The following FNDC3A variants were observed in gnomAD, a reference collection of about 807,000 sequenced individuals.
The protein encoded by FNDC3A is fibronectin type-III domain-containing protein 3A.
Under a neutral mutation model 148.9 loss-of-function variants are expected in FNDC3A, and 32 were observed. That is an observed-to-expected ratio of 0.21 (90% CI 0.16 to 0.29). FNDC3A has a LOEUF of 0.29. FNDC3A is among the 10% of genes least tolerant of loss of function. The pLI is 1.00. For missense variants in FNDC3A, 1,191 were observed against 1,452.8 expected, an observed-to-expected ratio of 0.82 and a Z score of 2.93; for synonymous variants, 472 against 473.6, an observed-to-expected ratio of 1.00 and a Z score of 0.04.
At chr13:49,048,413 A>G (rs1350453079) in intron 2 of FNDC3A, among the ~76,000 whole-genome samples, 2 of 151,928 alleles carry the variant, frequency 1.3e-5, no homozygotes, top group Non-Finnish European at 2.9e-5. Context: ...TCTACCCAAT[A>G]TTCTATATAG....
chr13:49,146,816 C>G (rs1883025322), intron 8 of FNDC3A: 1 of 152,154 alleles, frequency 6.6e-6, no homozygotes, highest in Non-Finnish European at 1.5e-5. Context: ...TTATGATTGA[C>G]AGTTTTGAAA....
At chr13:49,199,548 C>A (rs1235972774) in intron 23 of FNDC3A, among the ~76,000 whole-genome samples, 1 of 151,954 alleles carries the variant, frequency 6.6e-6, no homozygotes, top group African/African-American at 2.4e-5. Flanking sequence ...GGATGGTCTC[C>A]ATCTCCTGAC....
chr13:49,010,199 T>C (rs555627503), intron 2 of FNDC3A, among the ~76,000 whole-genome samples: 2 of 152,268 alleles, frequency 1.3e-5, no homozygotes, highest in South Asian at 4.1e-4. Context: ...TAGTGTTGGA[T>C]TGGCTAGTTT....
intron 2 of FNDC3A, among the ~76,000 whole-genome samples, chr13:49,037,085 T>G (rs1874547264): frequency 6.6e-6 from 1 of 152,160 alleles, no homozygotes; most frequent in African/African-American, 2.4e-5. Flanking sequence ...AGCATTGTGT[T>G]CTAGGTATAT....
At chr13:49,081,557 T>C (rs1878471483) in intron 3 of FNDC3A, among the ~76,000 whole-genome samples, 1 of 152,206 alleles carries the variant, frequency 6.6e-6, no homozygotes, top group African/African-American at 2.4e-5. Context: ...ATGTAGGACT[T>C]AGAACATAAT....
intron 10 of FNDC3A, among the ~76,000 whole-genome samples, chr13:49,170,160 A>G (rs60569686): frequency 0.13 from 20,315 of 152,106 alleles, 1,771 homozygotes; most frequent in East Asian, 0.34. Context: ...AAATGACCCT[A>G]TATACACACA....
chr13:49,118,270 C>G (rs990876212), intron 4 of FNDC3A, among the ~76,000 whole-genome samples: 12 of 152,162 alleles, frequency 7.9e-5, no homozygotes, highest in Admixed American at 3.3e-4. Flanking sequence ...GCTCCCTCCC[C>G]TAGCCAAGGG....
intron 4 of FNDC3A, among the ~76,000 whole-genome samples, chr13:49,115,016 T>G (rs1880845800): frequency 1.3e-5 from 2 of 152,138 alleles, no homozygotes; most frequent in Admixed American, 1.3e-4. Context: ...AAATAATATT[T>G]TAGGTTGTAA....
intron 18 of FNDC3A, 40 bp from the exon 19 acceptor site, chr13:49,191,169 A>G (rs1195252162): frequency 6.2e-7 from 1 of 1,604,930 alleles, no homozygotes; most frequent in Admixed American, 1.7e-5. Flanking sequence ...AACAGGAAGT[A>G]TTCGTCTTGT....
At chr13:48,989,626 A>G (rs774491967) in intron 1 of FNDC3A, among the ~76,000 whole-genome samples, 4 of 152,246 alleles carry the variant, frequency 2.6e-5, no homozygotes, top group Non-Finnish European at 4.4e-5. Context: ...ATAACTGAAA[A>G]AGTATTTGAA....
At position 48,981,820 on chromosome 13, in the gene FNDC3A, A is replaced by G. The variant is rs184906289; in HGVS notation, c.-40+5643A>G. ...AGATTGTGTATGTTAATCAGCCTCT[A>G]TCAGAAATGCTGGGGGAAAAAAAAG... On this transcript the variant is annotated intron_variant, in intron 1 of 25. Coordinates refer to ENST00000492622, the MANE Select transcript of FNDC3A (RefSeq NM_001079673.2). Among the ~76,000 whole-genome samples the G allele has an allele frequency of 9.7e-3, 430 of 44,130 alleles. 2 individuals are homozygous for G. The highest frequency in any genetic ancestry group is 0.034 in the African/African-American group (408 of 11,844). 29.0% of individuals were successfully genotyped at this position (44,130 alleles called of 152,430 possible).
intron 2 of FNDC3A, among the ~76,000 whole-genome samples, chr13:49,040,905 C>G (rs962558244): frequency 6.6e-6 from 1 of 152,084 alleles, no homozygotes; most frequent in Non-Finnish European, 1.5e-5. Flanking sequence ...GTTTTTTTGA[C>G]ATATTTTATC....
At chr13:49,073,740 A>C (rs866336375) in intron 2 of FNDC3A, among the ~76,000 whole-genome samples, 1 of 135,316 alleles carries the variant, frequency 7.4e-6, no homozygotes, top group Admixed American at 7.3e-5. Context: ...ATGTATATAT[A>C]ATATATGTGT....
chr13:49,144,724 T>G (rs1458045282), intron 7 of FNDC3A, among the ~76,000 whole-genome samples: 1 of 152,172 alleles, frequency 6.6e-6, no homozygotes, highest in African/African-American at 2.4e-5. Context: ...GTCACAACTT[T>G]CTCTGCGTCT....
At chr13:49,129,137 T>G (rs1456927634) in intron 4 of FNDC3A, among the ~76,000 whole-genome samples, 1 of 152,258 alleles carries the variant, frequency 6.6e-6, no homozygotes, top group East Asian at 1.9e-4. Context: ...TCAGTTTGTT[T>G]TGCTGAAAAA....
At chr13:49,181,486 C>T (rs927549177) in intron 14 of FNDC3A, among the ~76,000 whole-genome samples, 1 of 151,912 alleles carries the variant, frequency 6.6e-6, no homozygotes, top group Non-Finnish European at 1.5e-5. Context: ...CTGATCCTTG[C>T]CAAAATTTGG....
intron 1 of FNDC3A, among the ~76,000 whole-genome samples, chr13:48,988,344 A>C (rs886959765): frequency 1.1e-4 from 16 of 152,202 alleles, no homozygotes; most frequent in African/African-American, 3.4e-4. Context: ...ATAAATTCAT[A>C]AACAGTACAT....
chr13:49,110,229 C>G (rs1566255362), intron 3 of FNDC3A: 5 of 767,878 alleles, frequency 6.5e-6, no homozygotes, highest in Non-Finnish European at 7.6e-6. Flanking sequence ...TTGCCCTTTC[C>G]TGGGTCACTG....
At chr13:49,061,323 C>CCTTCT (rs1566222207) in intron 2 of FNDC3A, among the ~76,000 whole-genome samples, 1 of 3,652 alleles carries the variant, frequency 2.7e-4, no homozygotes, top group Non-Finnish European at 5.2e-4. Flanking sequence ...TCTTCTCTTC[C>CCTTCT]CTTCCCTTCC....
Sources: allele counts gnomAD v4.1 joint callset (sites outside exome capture counted in the v4.1 genomes callset), GRCh38; gene constraint gnomAD v4.1.1; transcripts MANE v1.5; gene names NCBI Gene and HGNC (gene_info 2026-07-23, HGNC 2026-07-21).